The following SHC2 variants were observed in gnomAD, a reference collection of about 807,000 sequenced individuals.
The protein encoded by SHC2 is SHC adaptor protein 2.
A neutral mutation model predicts 60.6 loss-of-function variants in SHC2; 62 were observed. That is an observed-to-expected ratio of 1.02 (90% confidence interval 0.83 to 1.26). The LOEUF (loss-of-function observed/expected upper bound fraction) is 1.26, where lower values mean the gene tolerates loss of function less well. SHC2 is among the 50% of genes most tolerant of loss of function. The probability of loss-of-function intolerance (pLI) is 0.00; values close to 1 mark genes in which losing one functional copy is unlikely to be tolerated. For missense variants in SHC2, 873 were observed against 822.2 expected, an observed-to-expected ratio of 1.06 and a Z score of -0.76; for synonymous variants, 375 against 372.4, an observed-to-expected ratio of 1.01 and a Z score of -0.08.
At chr19:449,988 G>A (rs1248399922) in intron 1 of SHC2, among the ~76,000 whole-genome samples, 3 of 152,158 alleles carry the variant, frequency 2.0e-5, no homozygotes, top group Non-Finnish European at 2.9e-5. Context: ...GACACCCTGC[G>A]CCACGCTGAC....
At chr19:460,274 C>G (rs144772863) in intron 1 of SHC2, among the ~76,000 whole-genome samples, 14,747 of 152,148 alleles carry the variant, frequency 0.097, 865 homozygotes, top group Middle Eastern at 0.22. Flanking sequence ...GGGCGGTGCA[C>G]CTGCGCATGC....
chr19:442,704 C>T (rs1277062271), intron 1 of SHC2, among the ~76,000 whole-genome samples: 6 of 28,426 alleles, frequency 2.1e-4, no homozygotes, highest in East Asian at 1.3e-3. Flanking sequence ...GACGGGTGGA[C>T]GGATGGCTGG....
In SHC2 at chr19:460,560, A is replaced by G; in HGVS notation, c.437T>C (p.Val146Ala). The change falls in exon 1 of 13, where the codon GTC (valine) becomes GCC (alanine). Residue 146 changes from valine to alanine, a missense_variant. Coordinates refer to ENST00000264554, the MANE Select transcript of SHC2 (RefSeq NM_012435.3). ...GACGTAGGAGACCCCGGGCCCCAGG[A>G]CCCTGGCGTCGGGGTGTAGCCAGCC... Reference protein sequence around the residue: ...AHGWLHPDARVLGPGVSYVVR... With the variant: ...AHGWLHPDARALGPGVSYVVR... 1 of 1,412,122 alleles carries G rather than the reference A, an allele frequency of 7.1e-7. No individual in the cohort carries two copies. The allele number at this position is 1,412,122 out of a possible 1,614,324, so 87.5% of individuals were successfully genotyped here. A position where few individuals can be genotyped will look rare whatever the true frequency, so the allele number is the denominator to read the frequency against.
chr19:460,829 G>A lies in SHC2; in HGVS notation c.168C>T (p.Ala56=), dbSNP rs1975533561. 6.1e-6 allele frequency: 6 copies of A among 982,298 alleles called. No homozygotes were observed. Among genetic ancestry groups the A allele is most frequent in the Non-Finnish European group, 7.2e-6 (6 of 829,624 alleles). 60.8% of individuals were successfully genotyped at this position (982,298 alleles called of 1,614,324 possible). A position where few individuals can be genotyped will look rare whatever the true frequency, so the allele number is the denominator to read the frequency against. Residue 56 remains alanine (A), a synonymous_variant, in exon 1 of 13, where the codon GCC becomes GCT. Transcript: ENST00000264554. Reference sequence around the variant, plus strand: ...CGGGTTGGGGGTCCGCGCCCCCCGAGGCCCCAGCCGCCCGCGCCGCCGCCG... The same window carrying A: ...CGGGTTGGGGGTCCGCGCCCCCCGAAGCCCCAGCCGCCCGCGCCGCCGCCG... ...RGPAAARAAG[A]SGGADPQPEP...
rs1974769804 is a variant in SHC2 at position 438,376 on chromosome 19, G to T, written c.720+342C>A. Among the ~76,000 whole-genome samples, 1 of 152,212 alleles carries T rather than the reference G, an allele frequency of 6.6e-6. No individual in the cohort carries two copies. Among genetic ancestry groups the T allele is most frequent in the African/African-American group, 2.4e-5 (1 of 41,450 alleles). ...TTCCACTTGAGGACTGATAGCCAGG[G>T]TTTATCCCCGCCCCTCCCCAGGCAC... On this transcript the variant is annotated intron_variant, in intron 4 of 12. Coordinates refer to ENST00000264554, the MANE Select transcript of SHC2 (RefSeq NM_012435.3). This position sits in a 1 kb window ranked among gnomAD's most constrained non-coding sequence, Gnocchi z 5.0.
chr19:420,396 C>T (rs1298615638), intron 11 of SHC2, among the ~76,000 whole-genome samples: 3 of 152,240 alleles, frequency 2.0e-5, no homozygotes, highest in Non-Finnish European at 4.4e-5. Context: ...GAGGATTCAG[C>T]TGGATGGCTG....
chr19:421,361 T>C (rs534512816), intron 11 of SHC2, among the ~76,000 whole-genome samples: 7 of 143,688 alleles, frequency 4.9e-5, no homozygotes, highest in East Asian at 4.1e-4. Context: ...GATTGCGCCA[T>C]TGCATTCCAG....
chr19:457,314 C>T lies in SHC2; in HGVS notation c.468+3215G>A, dbSNP rs565562182. Among the ~76,000 whole-genome samples, 7 of 143,934 alleles carry T rather than the reference C, an allele frequency of 4.9e-5. No individual in the cohort carries two copies. The East Asian group carries it at 1.5e-3, about 30-fold the overall frequency. The allele number at this position is 143,934 out of a possible 152,430, so 94.4% of individuals were successfully genotyped here. A position where few individuals can be genotyped will look rare whatever the true frequency, so the allele number is the denominator to read the frequency against. ...CTTTGCACCTGCACCTGCTGTACCC[C>T]CCCTAGATCTCTGTCTGCAAACCCA... On this transcript the variant is annotated intron_variant, in intron 1 of 12. Coordinates refer to ENST00000264554, the MANE Select transcript of SHC2 (RefSeq NM_012435.3).
chr19:437,256 T>TGCGTGCTCGTCTGCGTGCTCGTC lies in SHC2; in HGVS notation c.721-574_721-573insGACGAGCACGCAGACGAGCACGC. Reference sequence around the variant, plus strand: ...TTTGCGAGCTCATCTGCGTGCTCGTTTGCGTGCTCGTCTGCGTGCTCGTCT... The same window carrying TGCGTGCTCGTCTGCGTGCTCGTC: ...TTTGCGAGCTCATCTGCGTGCTCGTTGCGTGCTCGTCTGCGTGCTCGTCTGCGTGCTCGTCTGCGTGCTCGTCT... On this transcript the variant is annotated intron_variant, in intron 4 of 12. Transcript: ENST00000264554. Among the ~76,000 whole-genome samples the TGCGTGCTCGTCTGCGTGCTCGTC allele has an allele frequency of 2.6e-5, 4 of 151,250 alleles. No individual in the cohort carries two copies. In the South Asian group the frequency reaches 8.4e-4, roughly 32 times the overall value.
At chr19:430,264 G>C (rs1044154651) in intron 9 of SHC2, among the ~76,000 whole-genome samples, 1 of 151,178 alleles carries the variant, frequency 6.6e-6, no homozygotes, top group African/African-American at 2.4e-5. Context: ...AATACCGTGT[G>C]GATGACGCAG....
chr19:443,086 G>A (rs1329260285), intron 1 of SHC2, among the ~76,000 whole-genome samples: 2 of 147,920 alleles, frequency 1.4e-5, no homozygotes, highest in East Asian at 2.1e-4. Flanking sequence ...TGGATGGATG[G>A]AGGGTGGATG....
At chr19:439,303 C>A in intron 2 of SHC2, 1 of 531,494 alleles carries the variant, frequency 1.9e-6, no homozygotes, top group Non-Finnish European at 3.4e-6. Context: ...TCCTTGCATC[C>A]GGCAGAGGCC....
chr19:435,368 G>C (rs946908389), intron 7 of SHC2, among the ~76,000 whole-genome samples: 8 of 152,246 alleles, frequency 5.3e-5, no homozygotes, highest in Non-Finnish European at 1.0e-4. Context: ...AGCAGCCTAC[G>C]GAAGGCAGAG....
chr19:438,980 C>T lies in SHC2; in HGVS notation c.590G>A (p.Trp197Ter). The T allele has an allele frequency of 1.2e-6, 2 of 1,601,436 alleles. No individual in the cohort carries two copies. Among genetic ancestry groups the T allele is most frequent in the Non-Finnish European group, 1.7e-6 (2 of 1,174,764 alleles). ...ACAAGCCTCACTCACCTTTTTCTTC[C>T]AGGATCCCCGGACGCCAGGCACGGC... The part of the protein sequence containing the change: ...HEAVPGVRGS[W>*]KKKAPNKALA... Residue 197 changes from tryptophan to a stop codon, truncating the protein, a stop_gained, in exon 3 of 13, where the codon TGG becomes TAG. Coordinates refer to ENST00000264554, the MANE Select transcript of SHC2 (RefSeq NM_012435.3). LOFTEE classifies it high-confidence loss of function. The surrounding 1 kb of genome is among the most constrained non-coding windows in gnomAD (Gnocchi z 5.0).
chr19:436,638 C>G lies in SHC2; in HGVS notation c.766G>C (p.Gly256Arg). 6.2e-7 allele frequency: 1 copy of G among 1,606,444 alleles called. No individual in the cohort carries two copies. The highest frequency in any genetic ancestry group is 8.5e-7 in the Non-Finnish European group (1 of 1,178,700). The change falls in exon 5 of 13, where the codon GGA becomes CGA. Residue 256 changes from glycine to arginine, a missense_variant. Gly to Arg is a moderately radical substitution (Grantham distance 125). Transcript: ENST00000264554. ...HMPSISFASG[G>R]DTDMTDYVAY... is the part of the protein sequence containing the mutation. ...CCCATCCCTGGCCTCACCGTGTCTC[C>G]GCCTGACGCGAAGGAGATGGACGGC...
Position 445,898 on chromosome 19 carries a change from A to T in SHC2, c.469-4966T>A, listed in dbSNP as rs1975040062. On this transcript the variant is annotated intron_variant, in intron 1 of 12. Transcript: ENST00000264554. This position sits in a 1 kb window ranked among gnomAD's most constrained non-coding sequence, Gnocchi z 4.4. The stretch of plus-strand genomic sequence containing the variant: ...AAAATACAAAAATAAAAATAAAAAT[A>T]AAAAAATTAGCTGGGCGTGGTGGTT... 1.3e-5 allele frequency among the ~76,000 whole-genome samples: 2 copies of T among 151,994 alleles called. No individual in the cohort carries two copies. The highest frequency in any genetic ancestry group is 2.1e-4 in the South Asian group (1 of 4,800).
chr19:437,253 C>T (rs551135071), intron 4 of SHC2, among the ~76,000 whole-genome samples: 2 of 151,458 alleles, frequency 1.3e-5, no homozygotes, highest in South Asian at 4.2e-4. Context: ...TCTGCGTGCT[C>T]GTTTGCGTGC....
At chr19:435,258 G>A (rs1423158187) in intron 7 of SHC2, among the ~76,000 whole-genome samples, 1 of 152,244 alleles carries the variant, frequency 6.6e-6, no homozygotes, top group Admixed American at 6.5e-5. Flanking sequence ...GATGGCACTG[G>A]CAGGAATTGA....
At position 440,162 on chromosome 19, in the gene SHC2, G is replaced by T. The variant is rs1974829010; in HGVS notation, c.539+700C>A. On this transcript the variant is annotated intron_variant, in intron 2 of 12. Transcript: ENST00000264554. The surrounding 1 kb of genome is among the most constrained non-coding windows in gnomAD (Gnocchi z 7.0). ...TGATCCCATTGCTATGAAATGTCCA[G>T]GACAGGCCGATCCACAGAGACAGGG... is the stretch of plus-strand genomic sequence containing the variant. Among the ~76,000 whole-genome samples the T allele has an allele frequency of 6.6e-6, 1 of 151,532 alleles. No homozygotes were observed. The highest frequency in any genetic ancestry group is 2.4e-5 in the African/African-American group (1 of 41,044).
Sources: gnomAD v4.1 joint callset for allele counts (sites outside exome capture counted in the v4.1 genomes callset) on GRCh38, gnomAD v4.1.1 for gene constraint, Gnocchi (gnomAD v3.1) non-coding constraint, MANE v1.5 for transcripts, NCBI Gene and HGNC (gene_info 2026-07-23, HGNC 2026-07-21) for gene names.